The following NPSR1 variants were observed in gnomAD, a reference collection of about 807,000 sequenced individuals.
NPSR1 encodes the protein neuropeptide S receptor.
A neutral mutation model predicts 46.9 loss-of-function variants in NPSR1; 48 were observed. The observed-to-expected ratio is 1.02, with a 90% CI of 0.81 to 1.30. The LOEUF (loss-of-function observed/expected upper bound fraction) is 1.30, where lower values mean the gene tolerates loss of function less well. Ranked by LOEUF, NPSR1 falls within the 50% of genes most tolerant of loss-of-function variation. NPSR1 has a pLI of 0.00. For synonymous variants in NPSR1, 176 were observed against 168.1 expected, an observed-to-expected ratio of 1.05 and a Z score of -0.36; for missense variants, 450 against 449.5, an observed-to-expected ratio of 1.00 and a Z score of -0.01.
intron 8 of NPSR1, among the ~76,000 whole-genome samples, chr7:34,855,961 C>A (rs1791039326): frequency 1.3e-5 from 2 of 152,148 alleles, no homozygotes; most frequent in South Asian, 2.1e-4. Flanking sequence ...TTTTTGAGCT[C>A]CAATTATAAG....
chr7:34,749,224 T>A (rs1785377491), intron 2 of NPSR1, among the ~76,000 whole-genome samples: 2 of 152,222 alleles, frequency 1.3e-5, no homozygotes, highest in Admixed American at 6.5e-5. Flanking sequence ...TCAGTCTTAA[T>A]GCCTGGGAAT....
At chr7:34,734,323 T>A (rs568686589) in intron 2 of NPSR1, among the ~76,000 whole-genome samples, 1 of 152,276 alleles carries the variant, frequency 6.6e-6, no homozygotes, top group Non-Finnish European at 1.5e-5. Context: ...GAATTGAGAA[T>A]GCTACTCTAA....
chr7:34,863,848 C>T (rs955520035), intron 8 of NPSR1, among the ~76,000 whole-genome samples: 5 of 151,656 alleles, frequency 3.3e-5, no homozygotes, highest in Non-Finnish European at 5.9e-5. Flanking sequence ...CCGGTAATAC[C>T]ATTTGACCCA....
chr7:34,820,329 T>C (rs533793584), intron 4 of NPSR1, among the ~76,000 whole-genome samples: 79 of 152,252 alleles, frequency 5.2e-4, no homozygotes, highest in Non-Finnish European at 1.0e-3. Flanking sequence ...AAATAGAAAA[T>C]ATACTTGTTT....
chr7:34,680,885 A>C (rs187748187), intron 1 of NPSR1, among the ~76,000 whole-genome samples: 86 of 151,970 alleles, frequency 5.7e-4, no homozygotes, highest in African/African-American at 2.0e-3. Context: ...TTTCTAGAAG[A>C]GACAGAATAG....
intron 1 of NPSR1, among the ~76,000 whole-genome samples, chr7:34,682,530 T>A (rs539941604): frequency 6.6e-6 from 1 of 152,292 alleles, no homozygotes; most frequent in East Asian, 1.9e-4. Flanking sequence ...GCTGCTTAGG[T>A]TAGTCTGCAA....
rs539588717 is a variant in NPSR1, at chr7:34,671,762, G to A, written c.148-12790G>A. Among the ~76,000 whole-genome samples the A allele has an allele frequency of 2.6e-5, 4 of 152,254 alleles. No individual in the cohort carries two copies. In the South Asian group the frequency reaches 6.2e-4, roughly 24 times the overall value. Reference sequence around the variant, plus strand: ...CTCCCCTACTGTTCTCATCTCCCAGGATGTTCAAATCCATTCCCTGGTCCT... The same window carrying A: ...CTCCCCTACTGTTCTCATCTCCCAGAATGTTCAAATCCATTCCCTGGTCCT... On this transcript the variant is annotated intron_variant, in intron 1 of 8. Transcript: ENST00000360581.
intron 2 of NPSR1, among the ~76,000 whole-genome samples, chr7:34,775,076 T>C (rs920794457): frequency 6.6e-6 from 1 of 152,184 alleles, no homozygotes; most frequent in Non-Finnish European, 1.5e-5. Flanking sequence ...TCTCTCACCC[T>C]CCAGAGTGTA....
chr7:34,830,618 T>C (rs1398700075), intron 5 of NPSR1, among the ~76,000 whole-genome samples: 1 of 152,240 alleles, frequency 6.6e-6, no homozygotes, highest in Non-Finnish European at 1.5e-5. Context: ...TTTCTCCTAA[T>C]TTGTCATTTG....
intron 5 of NPSR1, among the ~76,000 whole-genome samples, chr7:34,831,469 A>AG (rs1029378511): frequency 5.9e-5 from 9 of 152,056 alleles, no homozygotes; most frequent in African/African-American, 2.2e-4. Context: ...AAAAGAAAGG[A>AG]GGGGGGAAGA....
intron 8 of NPSR1, among the ~76,000 whole-genome samples, chr7:34,876,398 G>A (rs1262032692): frequency 1.3e-5 from 2 of 152,146 alleles, no homozygotes; most frequent in Admixed American, 6.5e-5. Context: ...GAAATTAACT[G>A]AAATGAAGCA....
chr7:34,873,051 A>C (rs1791494801), intron 8 of NPSR1, among the ~76,000 whole-genome samples: 1 of 151,822 alleles, frequency 6.6e-6, no homozygotes, highest in Admixed American at 6.6e-5. Flanking sequence ...ATCACTCTTA[A>C]GTTCAAACTT....
intron 2 of NPSR1, among the ~76,000 whole-genome samples, chr7:34,775,077 C>T (rs1786887182): frequency 1.3e-5 from 2 of 152,178 alleles, no homozygotes; most frequent in African/African-American, 4.8e-5. Flanking sequence ...CTCTCACCCT[C>T]CAGAGTGTAT....
chr7:34,663,330 A>C (rs1046310886), intron 1 of NPSR1, among the ~76,000 whole-genome samples: 1 of 151,904 alleles, frequency 6.6e-6, no homozygotes, highest in Non-Finnish European at 1.5e-5. Flanking sequence ...CTGTCTCTCA[A>C]TCCCAGCGAT....
At chr7:34,725,964 C>T (rs757997218) in intron 2 of NPSR1, among the ~76,000 whole-genome samples, 47 of 152,212 alleles carry the variant, frequency 3.1e-4, no homozygotes, top group Non-Finnish European at 4.6e-4. Flanking sequence ...TCTTGCCTGC[C>T]GCCATGTAAG....
intron 3 of NPSR1, among the ~76,000 whole-genome samples, chr7:34,802,717 G>T (rs1788482923): frequency 6.7e-6 from 1 of 150,298 alleles, no homozygotes; most frequent in East Asian, 1.9e-4. Context: ...TTGACAAATG[G>T]GATCTAATTA....
At chr7:34,820,974 T>A (rs1789525051) in intron 4 of NPSR1, among the ~76,000 whole-genome samples, 1 of 152,152 alleles carries the variant, frequency 6.6e-6, no homozygotes, top group South Asian at 2.1e-4. Context: ...AGAGGTATAA[T>A]GAGACACACC....
intron 7 of NPSR1, among the ~76,000 whole-genome samples, chr7:34,846,917 G>T (rs539000634): frequency 1.4e-4 from 22 of 152,212 alleles, no homozygotes; most frequent in African/African-American, 4.8e-4. Context: ...GCTGGGCTGC[G>T]TGTACCATGC....
intron 2 of NPSR1, among the ~76,000 whole-genome samples, chr7:34,716,406 A>G (rs1341561136): frequency 6.6e-6 from 1 of 152,218 alleles, no homozygotes; most frequent in African/African-American, 2.4e-5. Context: ...AGAAGAGCAG[A>G]AGAGTGTACA....
Sources: allele counts gnomAD v4.1 joint callset (sites outside exome capture counted in the v4.1 genomes callset), GRCh38; gene constraint gnomAD v4.1.1; transcripts MANE v1.5; gene names NCBI Gene and HGNC (gene_info 2026-07-23, HGNC 2026-07-21).